MYO9A: variants seen among roughly 807,000 people sequenced by gnomAD.
The protein encoded by MYO9A is unconventional myosin-IXa.
MYO9A carries 103 observed loss-of-function variants against 293.3 expected under a neutral mutation model. The ratio of observed to expected loss-of-function variants is 0.35; its 90% CI spans 0.30 to 0.41. The LOEUF (loss-of-function observed/expected upper bound fraction) is 0.41. MYO9A is among the 10% of genes least tolerant of loss of function. The probability of loss-of-function intolerance (pLI) is 1.00; values close to 1 mark genes in which losing one functional copy is unlikely to be tolerated. For synonymous variants in MYO9A, 1,001 were observed against 1,035.7 expected (o/e 0.97, Z 0.64); for missense variants, 2,685 against 3,033.0 (o/e 0.89, Z 2.69).
chr15:72,056,392 T>C (rs571476114), intron 1 of MYO9A, among the ~76,000 whole-genome samples: 4 of 152,322 alleles, frequency 2.6e-5, no homozygotes, highest in Admixed American at 1.3e-4. Context: ...ATATACACCA[T>C]GGAATACTAC....
At chr15:71,929,763 G>A (rs988578583) in intron 18 of MYO9A, among the ~76,000 whole-genome samples, 7 of 152,148 alleles carry the variant, frequency 4.6e-5, no homozygotes, top group Non-Finnish European at 1.0e-4. Flanking sequence ...TGAATGTACA[G>A]GTGCATGTGT....
chr15:71,933,976 T>C (rs2058555448), intron 17 of MYO9A, among the ~76,000 whole-genome samples: 1 of 152,152 alleles, frequency 6.6e-6, no homozygotes, highest in Non-Finnish European at 1.5e-5. Flanking sequence ...GTGTTGTACA[T>C]TCTAAGCCAC....
intron 3 of MYO9A, among the ~76,000 whole-genome samples, chr15:72,028,345 T>C (rs931991229): frequency 2.0e-5 from 3 of 148,668 alleles, no homozygotes; most frequent in Non-Finnish European, 4.5e-5. Context: ...TAAAGCAAAA[T>C]AAAATAAGAA....
At chr15:71,970,239 A>T (rs1053747078) in intron 12 of MYO9A, among the ~76,000 whole-genome samples, 7 of 152,166 alleles carry the variant, frequency 4.6e-5, no homozygotes, top group Non-Finnish European at 1.0e-4. Flanking sequence ...CTAACATCCT[A>T]TTCATATGTA....
intron 18 of MYO9A, among the ~76,000 whole-genome samples, chr15:71,931,463 G>T (rs1030569351): frequency 6.6e-6 from 1 of 152,300 alleles, no homozygotes; most frequent in East Asian, 1.9e-4. Flanking sequence ...TCTGATGATA[G>T]TCTTGTGGGG....
chr15:72,007,771 AAAAAAT>A (rs1596367105), intron 8 of MYO9A, 49 bp downstream of exon 8: 1 of 1,558,816 alleles, frequency 6.4e-7, no homozygotes, highest in African/African-American at 1.4e-5. Context: ...TACACAAAAT[AAAAAAT>A]AAAAAGTTAC....
intron 6 of MYO9A, among the ~76,000 whole-genome samples, chr15:72,016,004 G>A (rs2077327759): frequency 6.6e-6 from 1 of 151,812 alleles, no homozygotes; most frequent in African/African-American, 2.4e-5. Context: ...CAGCTTTAAG[G>A]TACAATGGCA....
At chr15:71,835,263 A>G (rs1211187110) in intron 39 of MYO9A, among the ~76,000 whole-genome samples, 1 of 152,174 alleles carries the variant, frequency 6.6e-6, no homozygotes, top group African/African-American at 2.4e-5. Context: ...CACTATCACC[A>G]CTTCCATTCA....
intron 39 of MYO9A, among the ~76,000 whole-genome samples, chr15:71,830,698 T>C (rs928529284): frequency 1.3e-5 from 2 of 152,198 alleles, no homozygotes; most frequent in African/African-American, 4.8e-5. Flanking sequence ...AAGTGCTCAA[T>C]AGCCACAAGT....
At chr15:71,903,366 A>C (rs956512635) in intron 21 of MYO9A, among the ~76,000 whole-genome samples, 6 of 152,202 alleles carry the variant, frequency 3.9e-5, no homozygotes, top group African/African-American at 1.4e-4. Context: ...AAGACCCTAA[A>C]ATTTCTATCA....
At chr15:72,002,753 CT>C (rs2076904927) in intron 8 of MYO9A, among the ~76,000 whole-genome samples, 3 of 152,068 alleles carry the variant, frequency 2.0e-5, no homozygotes, top group Non-Finnish European at 4.4e-5. Context: ...CAGTGGTTAC[CT>C]CTGGTGGAGA....
intron 15 of MYO9A, among the ~76,000 whole-genome samples, chr15:71,939,401 G>A (rs950830435): frequency 3.3e-5 from 5 of 152,010 alleles, no homozygotes; most frequent in Non-Finnish European, 5.9e-5. Context: ...TGTTTCCTTC[G>A]TGTTCATAAG....
intron 25 of MYO9A, 71 bp downstream of exon 25, chr15:71,897,390 C>T: frequency 6.9e-7 from 1 of 1,439,874 alleles, no homozygotes; most frequent in East Asian, 2.3e-5. Context: ...ATAGTTGGAG[C>T]AGAACAAGGC....
At chr15:71,998,471 G>C (rs2076765322) in intron 9 of MYO9A, among the ~76,000 whole-genome samples, 1 of 150,636 alleles carries the variant, frequency 6.6e-6, no homozygotes, top group Non-Finnish European at 1.5e-5. Flanking sequence ...AGAAGAAAAA[G>C]GTAGTGAAAG....
At chr15:71,888,404 A>G in intron 26 of MYO9A, 1 of 189,946 alleles carries the variant, frequency 5.3e-6, no homozygotes, top group African/African-American at 2.3e-5. Flanking sequence ...CCATTTAAAG[A>G]TAGAGACAAA....
intron 1 of MYO9A, among the ~76,000 whole-genome samples, chr15:72,082,536 C>G (rs2079578927): frequency 6.6e-6 from 1 of 152,084 alleles, no homozygotes; most frequent in South Asian, 2.1e-4. Flanking sequence ...CCCTTTATTT[C>G]TTTCCCTTGC....
intron 15 of MYO9A, among the ~76,000 whole-genome samples, chr15:71,948,951 TGA>T (rs1491377852): frequency 0.023 from 1,174 of 51,480 alleles, 33 homozygotes; most frequent in Admixed American, 0.066. Context: ...ATTTTTTTTG[TGA>T]GGGGGGGGGA....
intron 1 of MYO9A, among the ~76,000 whole-genome samples, chr15:72,077,750 AAAAT>A (rs1357183072): frequency 1.8e-3 from 84 of 45,840 alleles, no homozygotes; most frequent in East Asian, 7.4e-3. Flanking sequence ...AAAAAAAAAA[AAAAT>A]ATATATATAT....
chr15:72,078,436 G>A (rs1196621124), intron 1 of MYO9A, among the ~76,000 whole-genome samples: 1 of 152,126 alleles, frequency 6.6e-6, no homozygotes, highest in East Asian at 1.9e-4. Flanking sequence ...AGGCTAGAGT[G>A]AGCCCAGATC....
Sources: allele counts gnomAD v4.1 joint callset (sites outside exome capture counted in the v4.1 genomes callset), GRCh38; gene constraint gnomAD v4.1.1; transcripts MANE v1.5; gene names NCBI Gene and HGNC (gene_info 2026-07-23, HGNC 2026-07-21).